The following BSPH1 variants were observed in gnomAD, a reference collection of about 807,000 sequenced individuals.
BSPH1 encodes binder of sperm protein homolog 1.
A neutral mutation model predicts 22.5 loss-of-function variants in BSPH1; 21 were observed. That is an observed-to-expected ratio of 0.93 (90% CI 0.66 to 1.35). The LOEUF is 1.35. Among genes scored for constraint, BSPH1 ranks in the 40% most tolerant of loss-of-function variants. BSPH1 has a pLI of 0.00. For synonymous variants in BSPH1, 42 were observed against 53.6 expected (o/e 0.78, Z 0.95); for missense variants, 141 against 154.2 (o/e 0.91, Z 0.45).
At chr19:47,972,881 G>T (rs185748637) in intron 5 of BSPH1, among the ~76,000 whole-genome samples, 3 of 134,436 alleles carry the variant, frequency 2.2e-5, no homozygotes, top group African/African-American at 8.3e-5. Flanking sequence ...CCACACGTAC[G>T]TAATTGAGAG....
chr19:47,975,605 T>C (rs1447937036), intron 5 of BSPH1, among the ~76,000 whole-genome samples: 1 of 152,108 alleles, frequency 6.6e-6, no homozygotes, highest in African/African-American at 2.4e-5. Flanking sequence ...ACCTCAGTTA[T>C]CACTTTTTTT....
intron 5 of BSPH1, among the ~76,000 whole-genome samples, chr19:47,968,623 A>G (rs1353354349): frequency 2.1e-5 from 3 of 143,804 alleles, no homozygotes; most frequent in African/African-American, 7.7e-5. Context: ...ACTGCACTGC[A>G]GTGGCATGAT....
chr19:47,973,061 C>CA lies in BSPH1; in HGVS notation c.*2+3648dup, dbSNP rs567699657. Among the ~76,000 whole-genome samples, 514 of 151,578 alleles carry CA rather than the reference C, an allele frequency of 3.4e-3. 3 individuals are homozygous for CA. Among genetic ancestry groups the CA allele is most frequent in the African/African-American group, 0.012 (497 of 41,362 alleles). Reference sequence around the variant, plus strand: ...TGAAACCCCGTCTCTTCTAAAAATACAAAAAATTAGCCTGGCGTGGTGGCG... The same window carrying CA: ...TGAAACCCCGTCTCTTCTAAAAATACAAAAAAATTAGCCTGGCGTGGTGGCG... On this transcript the variant is annotated intron_variant, in intron 5 of 5. Coordinates refer to ENST00000344839, the MANE Select transcript of BSPH1 (RefSeq NM_001128326.2).
intron 1 of BSPH1, among the ~76,000 whole-genome samples, chr19:47,985,246 A>C (rs1204110192): frequency 6.6e-6 from 1 of 152,108 alleles, no homozygotes; most frequent in Non-Finnish European, 1.5e-5. Flanking sequence ...AAATCTTTTG[A>C]AAGAAGCCAG....
At chr19:47,971,014 A>G (rs182916531) in intron 5 of BSPH1, among the ~76,000 whole-genome samples, 5 of 152,284 alleles carry the variant, frequency 3.3e-5, no homozygotes, top group Admixed American at 3.3e-4. Flanking sequence ...GTGAATAGCT[A>G]ACTGATACAG....
At chr19:47,982,347 T>C (rs771690055) in intron 1 of BSPH1, among the ~76,000 whole-genome samples, 6 of 152,270 alleles carry the variant, frequency 3.9e-5, no homozygotes, top group Non-Finnish European at 7.3e-5. Context: ...AGCAATGATT[T>C]TAATTCTGAA....
intron 5 of BSPH1, 47 bp from the exon 6 acceptor site, chr19:47,968,256 C>T (rs184929510): frequency 3.3e-5 from 5 of 152,254 alleles, no homozygotes; most frequent in Admixed American, 2.6e-4. Flanking sequence ...ACACAGATTG[C>T]CCCAACATTT....
intron 5 of BSPH1, among the ~76,000 whole-genome samples, chr19:47,974,265 CTCTCTT>C (rs770647068): frequency 1.7e-5 from 2 of 120,108 alleles, no homozygotes; most frequent in African/African-American, 8.3e-5. Flanking sequence ...TTCTCTCTCT[CTCTCTT>C]TTTTTTTTTT....
rs74643677 is a variant in BSPH1 at position 47,976,349 on chromosome 19, C to T, written c.*2+361G>A. On this transcript the variant is annotated intron_variant, in intron 5 of 5. Coordinates refer to ENST00000344839, the MANE Select transcript of BSPH1 (RefSeq NM_001128326.2). Reference sequence around the variant, plus strand: ...TCTTGCTATGTTGGTCCAGGCTGGTCTTGAACTCCTGGCCTCAAGCAGTCC... The same window carrying T: ...TCTTGCTATGTTGGTCCAGGCTGGTTTTGAACTCCTGGCCTCAAGCAGTCC... Among the ~76,000 whole-genome samples, 1,723 of 151,956 alleles carry T rather than the reference C, an allele frequency of 0.011. 79 individuals are homozygous for T. In the East Asian group the frequency reaches 0.16, roughly 14 times the overall value.
chr19:47,991,031 C>T (rs575102230), intron 1 of BSPH1, among the ~76,000 whole-genome samples: 1 of 152,078 alleles, frequency 6.6e-6, no homozygotes, highest in South Asian at 2.1e-4. Context: ...GTGTTTCTGA[C>T]ATGGAAGGGA....
intron 5 of BSPH1, among the ~76,000 whole-genome samples, chr19:47,969,726 A>AGAGAGAGAGAGAGAGC (rs1969293325): frequency 8.3e-6 from 1 of 119,890 alleles, no homozygotes; most frequent in Admixed American, 8.2e-5. Flanking sequence ...AGAGAGAGAG[A>AGAGAGAGAGAGAGAGC]CTTTAGAATG....
At position 47,969,780 on chromosome 19, in the gene BSPH1, T is replaced by C. The variant is rs532143353; in HGVS notation, c.*3-1571A>G. ...AGAGAGACTTTAGAATTTATTTGTG[T>C]GTGTGTGTGAGAGAGACTTCAGAAT... On this transcript the variant is annotated intron_variant, in intron 5 of 5. Transcript: ENST00000344839. Among the ~76,000 whole-genome samples the C allele has an allele frequency of 2.6e-5, 4 of 151,146 alleles. No individual in the cohort carries two copies. In the South Asian group the frequency reaches 8.5e-4, roughly 32 times the overall value.
intron 3 of BSPH1, 61 bp downstream of exon 3, chr19:47,979,509 T>A: frequency 1.2e-6 from 1 of 815,960 alleles, no homozygotes. Flanking sequence ...ACTGATTTCC[T>A]CACTTTTACA....
At chr19:47,975,129 C>T (rs1169048106) in intron 5 of BSPH1, among the ~76,000 whole-genome samples, 1 of 152,132 alleles carries the variant, frequency 6.6e-6, no homozygotes, top group Admixed American at 6.5e-5. Flanking sequence ...GGGATCATCC[C>T]ATCTCTTCCT....
chr19:47,989,132 T>C (rs1284072301), intron 1 of BSPH1, among the ~76,000 whole-genome samples: 1 of 146,484 alleles, frequency 6.8e-6, no homozygotes, highest in Admixed American at 6.9e-5. Context: ...ATTATTATTA[T>C]TATTATTATT....
chr19:47,979,549 A>G (rs1330431773), intron 3 of BSPH1, 21 bp downstream of exon 3: 1 of 1,215,562 alleles, frequency 8.2e-7, no homozygotes, highest in East Asian at 2.8e-5. Context: ...ATTAATAATC[A>G]AAGTTTTCTG....
intron 1 of BSPH1, among the ~76,000 whole-genome samples, chr19:47,981,260 T>G (rs1568397576): frequency 6.6e-6 from 1 of 151,982 alleles, no homozygotes; most frequent in Non-Finnish European, 1.5e-5. Flanking sequence ...GTTTCTGATA[T>G]GAACACTATA....
At chr19:47,987,056 G>A (rs993011750) in intron 1 of BSPH1, among the ~76,000 whole-genome samples, 1 of 152,176 alleles carries the variant, frequency 6.6e-6, no homozygotes, top group Non-Finnish European at 1.5e-5. Flanking sequence ...ACCAGTCATT[G>A]GATTAGGGCC....
chr19:47,972,816 T>C lies in BSPH1; in HGVS notation c.*2+3894A>G, dbSNP rs533167551. ...AAAATTCCCAGTTTTATTTCCTTCCTATATATGCGTGTGTGTGTGTGTGTA... is the reference window on the plus strand; with the variant it reads ...AAAATTCCCAGTTTTATTTCCTTCCCATATATGCGTGTGTGTGTGTGTGTA... On this transcript the variant is annotated intron_variant, in intron 5 of 5. Transcript: ENST00000344839. 2.2e-4 allele frequency among the ~76,000 whole-genome samples: 34 copies of C among 152,042 alleles called. No homozygotes were observed. The South Asian group carries it at 6.9e-3, about 31-fold the overall frequency.
Sources: allele counts gnomAD v4.1 joint callset (sites outside exome capture counted in the v4.1 genomes callset), GRCh38; gene constraint gnomAD v4.1.1; transcripts MANE v1.5; gene names NCBI Gene and HGNC (gene_info 2026-07-23, HGNC 2026-07-21).